The following STARD13 variants were observed in gnomAD, a reference collection of about 807,000 sequenced individuals.
The protein encoded by STARD13 is StAR related lipid transfer domain containing 13, also known as stAR-related lipid transfer protein 13.
A neutral mutation model predicts 106.4 loss-of-function variants in STARD13; 62 were observed. The observed-to-expected ratio is 0.58, with a 90% CI of 0.48 to 0.72. STARD13 has a LOEUF of 0.72. Among genes scored for constraint, STARD13 ranks in the 30% least tolerant of loss-of-function variants. The pLI is 0.00. For synonymous variants in STARD13, 565 were observed against 553.0 expected, an observed-to-expected ratio of 1.02 and a Z score of -0.31; for missense variants, 1,387 against 1,424.0, an observed-to-expected ratio of 0.97 and a Z score of 0.42.
At chr13:33,163,194 A>G (rs1346842998) in intron 3 of STARD13, among the ~76,000 whole-genome samples, 1 of 152,158 alleles carries the variant, frequency 6.6e-6, no homozygotes, top group Non-Finnish European at 1.5e-5. Flanking sequence ...CATGATTCAA[A>G]TTATCTCTCA....
At chr13:33,277,385 C>CTAATTCTAAAG (rs1437386101) in intron 1 of STARD13, 1 of 152,138 alleles carries the variant, frequency 6.6e-6, no homozygotes, top group African/African-American at 2.4e-5. Context: ...GCAGATTTTA[C>CTAATTCTAAAG]TAATTAGAAT....
At chr13:33,273,145 T>A (rs2138366027) in intron 1 of STARD13, among the ~76,000 whole-genome samples, 1 of 152,312 alleles carries the variant, frequency 6.6e-6, no homozygotes, top group Admixed American at 6.5e-5. Context: ...GTAGGAAAAC[T>A]TGTCTATGCA....
chr13:33,536,262 T>A, the STARD13 span, among the ~76,000 whole-genome samples: 1 of 152,246 alleles, frequency 6.6e-6, no homozygotes, highest in African/African-American at 2.4e-5. Flanking sequence ...ATACGTATTT[T>A]TAAAGCCAGG....
At chr13:33,146,908 A>T (rs777421270) in intron 3 of STARD13, among the ~76,000 whole-genome samples, 5 of 152,208 alleles carry the variant, frequency 3.3e-5, no homozygotes, top group Non-Finnish European at 5.9e-5. Flanking sequence ...CCGTCAGAGT[A>T]GCTGTGAAAA....
intron 1 of STARD13, among the ~76,000 whole-genome samples, chr13:33,276,448 G>A (rs1021095370): frequency 1.1e-4 from 17 of 152,200 alleles, no homozygotes; most frequent in African/African-American, 3.6e-4. Flanking sequence ...TATCATTAAC[G>A]CAGGATTTGT....
chr13:33,189,909 C>T (rs1161637794), intron 1 of STARD13, among the ~76,000 whole-genome samples: 1 of 151,950 alleles, frequency 6.6e-6, no homozygotes, highest in African/African-American at 2.4e-5. Context: ...CACTCTAAGC[C>T]ATTTTATATA....
the STARD13 span, among the ~76,000 whole-genome samples, chr13:33,620,901 A>G: frequency 6.6e-6 from 1 of 151,706 alleles, no homozygotes; most frequent in African/African-American, 2.4e-5. Context: ...ATAAATCCAA[A>G]AGGAAATATT....
intron 1 of STARD13, among the ~76,000 whole-genome samples, chr13:33,266,953 C>A (rs1014054005): frequency 3.3e-5 from 5 of 152,152 alleles, no homozygotes. Context: ...AATAGAAGAG[C>A]TGATGCGGAA....
At chr13:33,156,923 A>G (rs2138311928) in intron 3 of STARD13, among the ~76,000 whole-genome samples, 1 of 152,312 alleles carries the variant, frequency 6.6e-6, no homozygotes, top group Admixed American at 6.5e-5. Context: ...CCTTCTCCCA[A>G]TGACTTGCCC....
the STARD13 span, among the ~76,000 whole-genome samples, chr13:33,643,159 G>A: frequency 7.2e-6 from 1 of 139,714 alleles, no homozygotes. Flanking sequence ...CATAGAACAT[G>A]CACACACACA....
intron 1 of STARD13, among the ~76,000 whole-genome samples, chr13:33,237,177 C>T (rs141752989): frequency 6.6e-6 from 1 of 152,294 alleles, no homozygotes; most frequent in African/African-American, 2.4e-5. Context: ...GCACTCAGCC[C>T]CACTCCTGGA....
At chr13:33,400,966 A>G in the STARD13 span, among the ~76,000 whole-genome samples, 1 of 152,248 alleles carries the variant, frequency 6.6e-6, no homozygotes, top group Non-Finnish European at 1.5e-5. Flanking sequence ...CAGGGCTCCC[A>G]CTGGCAAAAG....
At chr13:33,142,602 C>T (rs1434861410) in intron 3 of STARD13, among the ~76,000 whole-genome samples, 1 of 152,174 alleles carries the variant, frequency 6.6e-6, no homozygotes, top group Non-Finnish European at 1.5e-5. Flanking sequence ...CTGCCTTTTC[C>T]CTAATCTAAA....
the STARD13 span, among the ~76,000 whole-genome samples, chr13:33,596,831 T>C: frequency 3.9e-5 from 6 of 152,228 alleles, no homozygotes; most frequent in African/African-American, 1.4e-4. Context: ...CATAACGACC[T>C]ACAGTTCCAA....
At chr13:33,145,233 C>A (rs1880368231) in intron 3 of STARD13, among the ~76,000 whole-genome samples, 1 of 152,170 alleles carries the variant, frequency 6.6e-6, no homozygotes, top group Admixed American at 6.5e-5. Context: ...ACAGATACTT[C>A]TAAGAGAAGA....
the STARD13 span, among the ~76,000 whole-genome samples, chr13:33,647,815 T>A: frequency 6.6e-6 from 1 of 152,230 alleles, no homozygotes; most frequent in Non-Finnish European, 1.5e-5. Flanking sequence ...CTGACGCTTC[T>A]CTTTATTGTT....
chr13:33,594,873 C>T, the STARD13 span, among the ~76,000 whole-genome samples: 3 of 152,312 alleles, frequency 2.0e-5, no homozygotes, highest in Non-Finnish European at 4.4e-5. Flanking sequence ...TAATACTTGA[C>T]TGTATGTGTA....
intron 1 of STARD13, among the ~76,000 whole-genome samples, chr13:33,226,077 G>A (rs570437807): frequency 2.4e-4 from 37 of 152,302 alleles, no homozygotes; most frequent in Admixed American, 1.1e-3. Context: ...GCAAGAAGGC[G>A]GCCATCTGCA....
chr13:33,666,652 G>A, the STARD13 span, among the ~76,000 whole-genome samples: 14 of 150,758 alleles, frequency 9.3e-5, no homozygotes, highest in Admixed American at 3.3e-4. Flanking sequence ...GTGCAGTGGC[G>A]CGATCTCGAC....
Sources: allele counts gnomAD v4.1 joint callset (sites outside exome capture counted in the v4.1 genomes callset), GRCh38; gene constraint gnomAD v4.1.1; transcripts MANE v1.5; gene names NCBI Gene and HGNC (gene_info 2026-07-23, HGNC 2026-07-21).